MITF: variants seen among roughly 807,000 people sequenced by gnomAD.
MITF encodes microphthalmia-associated transcription factor.
Under a neutral mutation model 60.5 loss-of-function variants are expected in MITF, and 17 were observed. That is an observed-to-expected ratio of 0.28 (90% confidence interval 0.19 to 0.42). The LOEUF (loss-of-function observed/expected upper bound fraction) is 0.42. Ranked by LOEUF, MITF falls within the 10% of genes least tolerant of loss-of-function variation. The probability of loss-of-function intolerance (pLI) is 1.00; values close to 1 mark genes in which losing one functional copy is unlikely to be tolerated. For synonymous variants in MITF, 260 were observed against 248.5 expected (o/e 1.05, Z -0.43); for missense variants, 622 against 683.5 (o/e 0.91, Z 1.00).
chr3:69,923,445 A>G (rs1329472358), intron 2 of MITF, among the ~76,000 whole-genome samples: 1 of 152,132 alleles, frequency 6.6e-6, no homozygotes. Context: ...CCCGGGTTCA[A>G]TCAATTCTCC....
chr3:69,894,861 A>G (rs1189156108), intron 2 of MITF, among the ~76,000 whole-genome samples: 1 of 152,154 alleles, frequency 6.6e-6, no homozygotes, highest in Admixed American at 6.5e-5. Flanking sequence ...TAAACCATTT[A>G]TCTTCCATTA....
intron 2 of MITF, among the ~76,000 whole-genome samples, chr3:69,926,011 T>C (rs2065577532): frequency 6.6e-6 from 1 of 152,220 alleles, no homozygotes; most frequent in African/African-American, 2.4e-5. Context: ...CTTTAGTTGC[T>C]GCTCAGTCTT....
At chr3:69,940,592 A>G (rs2065946100) in intron 4 of MITF, among the ~76,000 whole-genome samples, 1 of 152,182 alleles carries the variant, frequency 6.6e-6, no homozygotes, top group Admixed American at 6.5e-5. Flanking sequence ...CTGTACAAGG[A>G]GAAACTTATT....
chr3:69,957,698 G>A (rs947964845), intron 8 of MITF, among the ~76,000 whole-genome samples: 1 of 152,156 alleles, frequency 6.6e-6, no homozygotes, highest in Non-Finnish European at 1.5e-5. Flanking sequence ...TTAAACTGTA[G>A]CATGTGAATC....
chr3:69,874,406 T>C (rs2064306283), intron 1 of MITF, among the ~76,000 whole-genome samples: 1 of 152,242 alleles, frequency 6.6e-6, no homozygotes, highest in African/African-American at 2.4e-5. Flanking sequence ...GCTCATGGTT[T>C]AATATTATTA....
rs566850459 is a variant in MITF, at chr3:69,904,378, C to T, written c.354+24995C>T. 3.3e-5 allele frequency among the ~76,000 whole-genome samples: 5 copies of T among 152,216 alleles called. No individual in the cohort carries two copies. The South Asian group carries it at 1.0e-3, about 32-fold the overall frequency. On this transcript the variant is annotated intron_variant, in intron 2 of 9. Coordinates refer to ENST00000352241, the MANE Select transcript of MITF (RefSeq NM_001354604.2). ...TTTAGATTTTGTGAATTTGCCCATACCAGGTACTGACTAGCATGAAAAATA... is the reference window on the plus strand; with the variant it reads ...TTTAGATTTTGTGAATTTGCCCATATCAGGTACTGACTAGCATGAAAAATA...
chr3:69,802,683 C>CTTTTTTTTTTTT (rs34396439), intron 1 of MITF, among the ~76,000 whole-genome samples: 1 of 66,212 alleles, frequency 1.5e-5, no homozygotes, highest in African/African-American at 6.6e-5. Context: ...AGTCCATATT[C>CTTTTTTTTTTTT]TTTTTTTTTT....
chr3:69,823,643 T>C (rs1480559366), intron 1 of MITF, among the ~76,000 whole-genome samples: 1 of 152,226 alleles, frequency 6.6e-6, no homozygotes, highest in East Asian at 1.9e-4. Flanking sequence ...TTGGTAAATA[T>C]GTATTATGGA....
intron 1 of MITF, among the ~76,000 whole-genome samples, chr3:69,801,249 G>A (rs2106951417): frequency 6.6e-6 from 1 of 152,084 alleles, no homozygotes; most frequent in African/African-American, 2.4e-5. Context: ...GAATTAAGAA[G>A]CTTAAATAAT....
At chr3:69,805,166 A>G (rs532276911) in intron 1 of MITF, among the ~76,000 whole-genome samples, 88 of 152,128 alleles carry the variant, frequency 5.8e-4, no homozygotes, top group African/African-American at 2.0e-3. Context: ...TAGCTAACCA[A>G]TTTAAGTTAG....
At chr3:69,852,403 T>A (rs1436743241) in intron 1 of MITF, among the ~76,000 whole-genome samples, 1 of 152,200 alleles carries the variant, frequency 6.6e-6, no homozygotes. Context: ...TTTATTTAAC[T>A]TCATACAAAT....
At chr3:69,822,254 AG>A (rs1237371249) in intron 1 of MITF, among the ~76,000 whole-genome samples, 1 of 152,226 alleles carries the variant, frequency 6.6e-6, no homozygotes, top group Admixed American at 6.5e-5. Flanking sequence ...AAACAGAGAA[AG>A]AACATGTGGT....
intron 1 of MITF, chr3:69,752,191 G>A (rs1703963160): frequency 6.6e-6 from 1 of 152,164 alleles, no homozygotes; most frequent in Non-Finnish European, 1.5e-5. Flanking sequence ...TTTCTTTATA[G>A]CAATGTGGAC....
chr3:69,950,886 A>G (rs2066232062), intron 6 of MITF, among the ~76,000 whole-genome samples: 1 of 152,032 alleles, frequency 6.6e-6, no homozygotes, highest in East Asian at 1.9e-4. Flanking sequence ...TTGCTATGCA[A>G]ATAGAGCTTT....
At chr3:69,868,639 G>A (rs1321183233) in intron 1 of MITF, among the ~76,000 whole-genome samples, 2 of 152,070 alleles carry the variant, frequency 1.3e-5, no homozygotes, top group African/African-American at 2.4e-5. Flanking sequence ...GGTGGCTCAC[G>A]CCTGTAATCC....
chr3:69,840,735 G>A (rs2063620823), intron 1 of MITF, among the ~76,000 whole-genome samples: 3 of 151,314 alleles, frequency 2.0e-5, no homozygotes, highest in South Asian at 4.2e-4. Flanking sequence ...TCAGGATGAA[G>A]CACAAAACTG....
chr3:69,963,047 A>T (rs2066590056), intron 9 of MITF, among the ~76,000 whole-genome samples: 1 of 152,070 alleles, frequency 6.6e-6, no homozygotes, highest in Admixed American at 6.6e-5. Context: ...TCTTACAAGG[A>T]CACCAGTCCT....
chr3:69,843,331 T>C (rs1346438591), intron 1 of MITF, among the ~76,000 whole-genome samples: 1 of 152,202 alleles, frequency 6.6e-6, no homozygotes, highest in Admixed American at 6.5e-5. Flanking sequence ...TCATTGGTTA[T>C]AAAATAGTTC....
chr3:69,780,377 A>G (rs1423680253), intron 1 of MITF, among the ~76,000 whole-genome samples: 1 of 152,210 alleles, frequency 6.6e-6, no homozygotes, highest in African/African-American at 2.4e-5. Context: ...TACAAAGAAG[A>G]TGCATGCCAA....
Sources: gnomAD v4.1 joint callset for allele counts (sites outside exome capture counted in the v4.1 genomes callset) on GRCh38, gnomAD v4.1.1 for gene constraint, MANE v1.5 for transcripts, NCBI Gene and HGNC (gene_info 2026-07-23, HGNC 2026-07-21) for gene names.